Variants in HOMER1 observed in about 807,000 individuals in gnomAD.
HOMER1 encodes the protein homer scaffold protein 1, also known as homer protein homolog 1.
HOMER1 carries 3 observed loss-of-function variants against 48.9 expected under a neutral mutation model. The observed-to-expected ratio is 0.06, with a 90% CI of 0.03 to 0.16. The LOEUF is 0.16. Ranked by LOEUF, HOMER1 falls within the 10% of genes least tolerant of loss-of-function variation. The pLI, the probability that HOMER1 is intolerant of heterozygous loss-of-function variation, is 1.00. For synonymous variants in HOMER1, 134 were observed against 146.4 expected (o/e 0.92, Z 0.61); for missense variants, 247 against 411.4 (o/e 0.60, Z 3.46).
chr5:79,441,271 A>G (rs993971258), intron 4 of HOMER1, among the ~76,000 whole-genome samples: 56 of 152,300 alleles, frequency 3.7e-4, no homozygotes, highest in African/African-American at 1.3e-3. Context: ...AGAGTGTGCA[A>G]AAGTACATTA....
In HOMER1 at chr5:79,375,932, T is replaced by A; in HGVS notation, c.*77A>T. 1 of 639,122 alleles carries A rather than the reference T, an allele frequency of 1.6e-6. No homozygotes were observed. The highest frequency in any genetic ancestry group is 2.3e-6 in the Non-Finnish European group (1 of 428,204). The allele number at this position is 639,122 out of a possible 1,614,324, so 39.6% of individuals were successfully genotyped here. A position where few individuals can be genotyped will look rare whatever the true frequency, so the allele number is the denominator to read the frequency against. On this transcript the variant is annotated 3_prime_UTR_variant, in exon 9 of 9. Coordinates refer to ENST00000334082, the MANE Select transcript of HOMER1 (RefSeq NM_004272.5). ...TTTTTTTTTTTTTTTTTGTGCAATC[T>A]TGATGCAGAGCCTAAACAGTCCTAT...
chr5:79,408,985 G>C (rs1033857967), intron 5 of HOMER1, among the ~76,000 whole-genome samples: 1 of 150,436 alleles, frequency 6.6e-6, no homozygotes, highest in Non-Finnish European at 1.5e-5. Flanking sequence ...AGGAGGCTGA[G>C]GCATGAGAAC....
At chr5:79,485,538 G>T (rs1444040490) in intron 1 of HOMER1, among the ~76,000 whole-genome samples, 1 of 152,172 alleles carries the variant, frequency 6.6e-6, no homozygotes, top group Non-Finnish European at 1.5e-5. Context: ...TGTAATACAT[G>T]ATATTTAGAT....
intron 1 of HOMER1, among the ~76,000 whole-genome samples, chr5:79,493,065 T>C (rs1391082319): frequency 6.6e-6 from 1 of 151,866 alleles, no homozygotes; most frequent in East Asian, 1.9e-4. Flanking sequence ...ACTACAGGCA[T>C]GCACCACCAC....
At chr5:79,397,873 A>ATTAAG in intron 6 of HOMER1, 1 of 288,856 alleles carries the variant, frequency 3.5e-6, no homozygotes, top group Non-Finnish European at 6.3e-6. Flanking sequence ...GATAACTTAA[A>ATTAAG]TTAAGTGATT....
chr5:79,423,651 G>T (rs1750164929), intron 5 of HOMER1, among the ~76,000 whole-genome samples: 1 of 152,056 alleles, frequency 6.6e-6, no homozygotes, highest in Non-Finnish European at 1.5e-5. Flanking sequence ...TATAAAGGCA[G>T]TACTAAGTCT....
At chr5:79,475,873 C>A (rs1191570241) in intron 1 of HOMER1, among the ~76,000 whole-genome samples, 1 of 152,078 alleles carries the variant, frequency 6.6e-6, no homozygotes, top group Non-Finnish European at 1.5e-5. Context: ...CATATATACA[C>A]CTCATGAAAA....
chr5:79,452,697 C>A (rs1429728495), intron 2 of HOMER1, among the ~76,000 whole-genome samples: 5 of 151,564 alleles, frequency 3.3e-5, no homozygotes, highest in African/African-American at 9.7e-5. Flanking sequence ...AAAAAAAAAA[C>A]CAGTAAAACA....
chr5:79,472,310 T>G (rs1580006419), intron 1 of HOMER1, among the ~76,000 whole-genome samples: 1 of 152,360 alleles, frequency 6.6e-6, no homozygotes, highest in Non-Finnish European at 1.5e-5. Context: ...AAAAATTTTT[T>G]AAGCAAATAC....
chr5:79,393,440 A>G (rs1749303858), intron 8 of HOMER1, among the ~76,000 whole-genome samples: 1 of 152,234 alleles, frequency 6.6e-6, no homozygotes, highest in Non-Finnish European at 1.5e-5. Context: ...ACATGCTCTA[A>G]GGTGAAAATG....
intron 5 of HOMER1, among the ~76,000 whole-genome samples, chr5:79,429,597 T>A (rs569998718): frequency 6.6e-5 from 10 of 152,246 alleles, no homozygotes; most frequent in African/African-American, 2.2e-4. Context: ...AAGACCTAAA[T>A]CTAAGAGCCA....
chr5:79,495,064 T>C (rs1752383444), intron 1 of HOMER1, among the ~76,000 whole-genome samples: 1 of 152,184 alleles, frequency 6.6e-6, no homozygotes, highest in African/African-American at 2.4e-5. Flanking sequence ...ACACATTAAA[T>C]ATCTATATAT....
intron 1 of HOMER1, among the ~76,000 whole-genome samples, chr5:79,507,704 A>T (rs1752817404): frequency 8.4e-6 from 1 of 119,138 alleles, no homozygotes; most frequent in South Asian, 2.3e-4. Context: ...ACTAAACACT[A>T]AAGACTGAAA....
chr5:79,506,428 A>G (rs774272727), intron 1 of HOMER1, among the ~76,000 whole-genome samples: 12 of 152,196 alleles, frequency 7.9e-5, no homozygotes, highest in Non-Finnish European at 1.3e-4. Context: ...ACAGACGGAA[A>G]AAGGAGTATC....
rs1253658702 is a variant in HOMER1 at position 79,513,620 on chromosome 5, G to A, written c.-846C>T. ...CGCCGAGCACAATGGAGCCCGGCTG[G>A]TGCCCGGCCCTTCATTCGCGGCTGC... On this transcript the variant is annotated 5_prime_UTR_variant, in exon 1 of 9. Transcript: ENST00000334082. The A allele has an allele frequency of 6.6e-6, 1 of 151,988 alleles. No individual in the cohort carries two copies. The highest frequency in any genetic ancestry group is 1.5e-5 in the Non-Finnish European group (1 of 68,172). 9.4% of individuals were successfully genotyped at this position (151,988 alleles called of 1,614,324 possible). A position where few individuals can be genotyped will look rare whatever the true frequency, so the allele number is the denominator to read the frequency against.
At chr5:79,406,853 G>C (rs992683666) in intron 5 of HOMER1, among the ~76,000 whole-genome samples, 4 of 152,168 alleles carry the variant, frequency 2.6e-5, no homozygotes, top group African/African-American at 7.2e-5. Flanking sequence ...CTGTTACTGG[G>C]AGAGGGGCAG....
chr5:79,485,264 C>T (rs984216844), intron 1 of HOMER1, among the ~76,000 whole-genome samples: 3 of 152,148 alleles, frequency 2.0e-5, no homozygotes, highest in Non-Finnish European at 2.9e-5. Context: ...CTTCTTGCCA[C>T]GCACGGGGTG....
At chr5:79,412,592 G>A (rs1749839298) in intron 5 of HOMER1, among the ~76,000 whole-genome samples, 1 of 152,168 alleles carries the variant, frequency 6.6e-6, no homozygotes, top group African/African-American at 2.4e-5. Flanking sequence ...ACTGGTATTG[G>A]AACTGCAGCT....
chr5:79,393,146 T>C (rs1266001980), intron 8 of HOMER1, among the ~76,000 whole-genome samples: 3 of 152,194 alleles, frequency 2.0e-5, no homozygotes, highest in Admixed American at 2.0e-4. Context: ...AACTTATTTA[T>C]GTAACCAAAC....
Sources: gnomAD v4.1 joint callset for allele counts (sites outside exome capture counted in the v4.1 genomes callset) on GRCh38, gnomAD v4.1.1 for gene constraint, MANE v1.5 for transcripts, NCBI Gene and HGNC (gene_info 2026-07-23, HGNC 2026-07-21) for gene names.